The following PAPSS2 variants were observed in gnomAD, a reference collection of about 807,000 sequenced individuals.
The protein encoded by PAPSS2 is 3'-phosphoadenosine 5'-phosphosulfate synthase 2, also known as bifunctional 3'-phosphoadenosine 5'-phosphosulfate synthase 2.
PAPSS2 carries 61 observed loss-of-function variants against 66.5 expected under a neutral mutation model. The observed-to-expected ratio is 0.92, with a 90% CI of 0.75 to 1.14. The LOEUF (loss-of-function observed/expected upper bound fraction) is 1.14, where lower values mean the gene tolerates loss of function less well. Ranked by LOEUF, PAPSS2 falls within the 50% of genes most tolerant of loss-of-function variation. The pLI is 0.00. For missense variants in PAPSS2, 708 were observed against 789.6 expected (o/e 0.90, Z 1.24); for synonymous variants, 289 against 287.5 (o/e 1.01, Z -0.05).
chr10:87,692,741 G>T (rs1471497363), intron 1 of PAPSS2, among the ~76,000 whole-genome samples: 1 of 152,142 alleles, frequency 6.6e-6, no homozygotes, highest in Non-Finnish European at 1.5e-5. Flanking sequence ...ATTCCTAAGA[G>T]AATCTAATGG....
At chr10:87,707,570 T>TC (rs1363406313) in intron 1 of PAPSS2, among the ~76,000 whole-genome samples, 2 of 110,904 alleles carry the variant, frequency 1.8e-5, no homozygotes, top group Admixed American at 9.1e-5. Flanking sequence ...TTTTCTTTTT[T>TC]TTTTTTTTTT....
At chr10:87,671,998 T>A (rs1037875825) in intron 1 of PAPSS2, among the ~76,000 whole-genome samples, 1 of 152,252 alleles carries the variant, frequency 6.6e-6, no homozygotes, top group Non-Finnish European at 1.5e-5. Context: ...CCTCTGGGCA[T>A]GCATAATACC....
In PAPSS2 at chr10:87,713,252, A is replaced by G. The variant is rs752456356; in HGVS notation, c.323A>G (p.Lys108Arg). Residue 108 changes from lysine to arginine, a missense_variant, in exon 3 of 13, where the codon AAG becomes AGG. By Grantham distance (26) the Lys-to-Arg change is conservative. Coordinates refer to ENST00000456849, the MANE Select transcript of PAPSS2 (RefSeq NM_001015880.2). Reference sequence around the variant, plus strand: ...ATCCGCCGGATTGCTGAGGTGGCTAAGCTGTTTGCTGATGCTGGTCTGGTC... The same window carrying G: ...ATCCGCCGGATTGCTGAGGTGGCTAGGCTGTTTGCTGATGCTGGTCTGGTC... ...ENIRRIAEVAKLFADAGLVCI... is the reference protein window; with the variant it reads ...ENIRRIAEVARLFADAGLVCI... 1.9e-6 allele frequency: 3 copies of G among 1,561,948 alleles called. No homozygotes were observed. The highest frequency in any genetic ancestry group is 2.6e-6 in the Non-Finnish European group (3 of 1,155,518).
chr10:87,697,585 C>T (rs1853250436), intron 1 of PAPSS2, among the ~76,000 whole-genome samples: 3 of 152,148 alleles, frequency 2.0e-5, no homozygotes. Flanking sequence ...CTGCCTCAAG[C>T]AATTTCACTA....
chr10:87,735,862 C>T (rs565209749), intron 9 of PAPSS2, among the ~76,000 whole-genome samples: 1 of 152,190 alleles, frequency 6.6e-6, no homozygotes, highest in Non-Finnish European at 1.5e-5. Context: ...CTATCCCAAT[C>T]CCCCACTCCC....
At chr10:87,680,355 ATGG>A (rs1853004180) in intron 1 of PAPSS2, among the ~76,000 whole-genome samples, 1 of 152,128 alleles carries the variant, frequency 6.6e-6, no homozygotes, top group South Asian at 2.1e-4. Context: ...TGAATTGAAA[ATGG>A]TGGTGTGGGG....
At chr10:87,721,240 T>C (rs1419772294) in intron 7 of PAPSS2, among the ~76,000 whole-genome samples, 2 of 152,204 alleles carry the variant, frequency 1.3e-5, no homozygotes, top group African/African-American at 4.8e-5. Flanking sequence ...TAAATCCAGG[T>C]TGTCCTGGAT....
chr10:87,670,820 G>C (rs1364027582), intron 1 of PAPSS2, among the ~76,000 whole-genome samples: 1 of 152,128 alleles, frequency 6.6e-6, no homozygotes, highest in Non-Finnish European at 1.5e-5. Context: ...AAAAATCTGG[G>C]TCATCAAAAA....
chr10:87,667,064 A>G lies in PAPSS2; in HGVS notation c.27+7056A>G, dbSNP rs1212369589. Among the ~76,000 whole-genome samples, 4 of 152,078 alleles carry G rather than the reference A, an allele frequency of 2.6e-5. No individual in the cohort carries two copies. The East Asian group carries it at 7.7e-4, about 29-fold the overall frequency. On this transcript the variant is annotated intron_variant, in intron 1 of 12. Coordinates refer to ENST00000456849, the MANE Select transcript of PAPSS2 (RefSeq NM_001015880.2). ...TTAATAAAGATTAAAGCTTTCCCAA[A>G]AGGTTAATTGGTTTATCATAAGCAT...
chr10:87,681,251 A>G (rs1038988964), intron 1 of PAPSS2, among the ~76,000 whole-genome samples: 6 of 152,208 alleles, frequency 3.9e-5, no homozygotes, highest in Non-Finnish European at 8.8e-5. Flanking sequence ...TATTTCTTAG[A>G]GCCTCAACTT....
At chr10:87,710,355 A>C (rs1261192176) in intron 2 of PAPSS2, among the ~76,000 whole-genome samples, 1 of 152,176 alleles carries the variant, frequency 6.6e-6, no homozygotes. Flanking sequence ...CAGTGCAAGG[A>C]CAGACAGTGA....
intron 8 of PAPSS2, among the ~76,000 whole-genome samples, chr10:87,722,816 ATGTAGTGT>A (rs1387654373): frequency 6.6e-6 from 1 of 152,246 alleles, no homozygotes; most frequent in Non-Finnish European, 1.5e-5. Context: ...GTGTATACAC[ATGTAGTGT>A]TGTAGCTACA....
At position 87,660,153 on chromosome 10, in the gene PAPSS2, A is replaced by G. The variant is rs2255683; in HGVS notation, c.27+145A>G. The stretch of plus-strand genomic sequence containing the variant: ...TAAGAGTGGGGCACGGAGGGAAGCA[A>G]GAGAAAGAGGCTCTGTGTGGAATTC... On this transcript the variant is annotated intron_variant, in intron 1 of 12. Transcript: ENST00000456849. 469,824 of 809,262 alleles carry G rather than the reference A, an allele frequency of 0.58. 139,416 individuals carry two copies. Among genetic ancestry groups the G allele is most frequent in the African/African-American group, 0.8 (47,049 of 58,952 alleles). 50.1% of individuals were successfully genotyped at this position (809,262 alleles called of 1,614,324 possible). A position where few individuals can be genotyped will look rare whatever the true frequency, so the allele number is the denominator to read the frequency against.
Position 87,746,172 on chromosome 10 carries a change from T to C in PAPSS2, c.*202T>C. On this transcript the variant is annotated 3_prime_UTR_variant, in exon 13 of 13. Coordinates refer to ENST00000456849, the MANE Select transcript of PAPSS2 (RefSeq NM_001015880.2). ...ACAAAGTCAAACTGAAGACCAAATCTTAGCAGGTAAAAGCAATATTCTTAT... is the reference window on the plus strand; with the variant it reads ...ACAAAGTCAAACTGAAGACCAAATCCTAGCAGGTAAAAGCAATATTCTTAT... The C allele has an allele frequency of 4.7e-6, 2 of 424,032 alleles. No individual in the cohort carries two copies. 26.3% of individuals were successfully genotyped at this position (424,032 alleles called of 1,614,324 possible). A position where few individuals can be genotyped will look rare whatever the true frequency, so the allele number is the denominator to read the frequency against.
At chr10:87,663,652 C>A (rs142890407) in intron 1 of PAPSS2, among the ~76,000 whole-genome samples, 1 of 152,192 alleles carries the variant, frequency 6.6e-6, no homozygotes, top group Non-Finnish European at 1.5e-5. Flanking sequence ...TGCTCTTGAC[C>A]CCCTCCGTAC....
At chr10:87,681,102 C>G (rs575247201) in intron 1 of PAPSS2, among the ~76,000 whole-genome samples, 4 of 152,156 alleles carry the variant, frequency 2.6e-5, no homozygotes, top group Non-Finnish European at 5.9e-5. Flanking sequence ...CTGCTATTAT[C>G]CTACAATGCA....
At chr10:87,665,493 G>C (rs1259627466) in intron 1 of PAPSS2, among the ~76,000 whole-genome samples, 1 of 152,194 alleles carries the variant, frequency 6.6e-6, no homozygotes, top group Non-Finnish European at 1.5e-5. Flanking sequence ...TTACAGGCGT[G>C]AGCCACCGTG....
chr10:87,693,955 A>G (rs1271805886), intron 1 of PAPSS2, among the ~76,000 whole-genome samples: 2 of 152,188 alleles, frequency 1.3e-5, no homozygotes, highest in Non-Finnish European at 1.5e-5. Context: ...GGAACATGTC[A>G]TTTTACTGAG....
chr10:87,683,584 GT>G (rs771708965), intron 1 of PAPSS2, among the ~76,000 whole-genome samples: 1 of 152,138 alleles, frequency 6.6e-6, no homozygotes, highest in Non-Finnish European at 1.5e-5. Context: ...CATAATTGTT[GT>G]GGAAATCATT....
Sources: gnomAD v4.1 joint callset for allele counts (sites outside exome capture counted in the v4.1 genomes callset) on GRCh38, gnomAD v4.1.1 for gene constraint, MANE v1.5 for transcripts, NCBI Gene and HGNC (gene_info 2026-07-23, HGNC 2026-07-21) for gene names.